ADAMTS12: variants seen among roughly 807,000 people sequenced by gnomAD.
The protein encoded by ADAMTS12 is ADAM metallopeptidase with thrombospondin type 1 motif 12.
A neutral mutation model predicts 167.8 loss-of-function variants in ADAMTS12; 118 were observed. That is an observed-to-expected ratio of 0.70 (90% CI 0.61 to 0.82). The LOEUF (loss-of-function observed/expected upper bound fraction) is 0.82, where lower values mean the gene tolerates loss of function less well. Ranked by LOEUF, ADAMTS12 falls within the 40% of genes least tolerant of loss-of-function variation. The pLI is 0.00. For synonymous variants in ADAMTS12, 704 were observed against 716.9 expected (o/e 0.98, Z 0.29); for missense variants, 1,916 against 1,998.8 (o/e 0.96, Z 0.79).
Position 33,651,570 on chromosome 5 carries a change from T to C in ADAMTS12, c.1191-1873A>G, listed in dbSNP as rs73758959. On this transcript the variant is annotated intron_variant, in intron 7 of 23. Transcript: ENST00000504830. ...TTTCGTTGATCTCGCCAATGTTTCT[T>C]AGTTTGATCCACAGCTAATTAGAAT... is the stretch of plus-strand genomic sequence containing the variant. 4.2e-3 allele frequency among the ~76,000 whole-genome samples: 645 copies of C among 152,350 alleles called. 5 individuals carry two copies. Among genetic ancestry groups the C allele is most frequent in the African/African-American group, 0.015 (614 of 41,582 alleles).
intron 3 of ADAMTS12, among the ~76,000 whole-genome samples, chr5:33,686,922 AAT>A (rs369832766): frequency 1.7e-4 from 23 of 138,292 alleles, no homozygotes; most frequent in African/African-American, 5.6e-4. Context: ...ATAGGCACTG[AAT>A]ATATATATAT....
At chr5:33,682,193 T>C (rs1343895471) in intron 5 of ADAMTS12, among the ~76,000 whole-genome samples, 3 of 152,144 alleles carry the variant, frequency 2.0e-5, no homozygotes, top group Non-Finnish European at 2.9e-5. Flanking sequence ...GTGGAAGATA[T>C]GAAAAAAGGA....
At chr5:33,723,858 C>T (rs934106671) in intron 3 of ADAMTS12, among the ~76,000 whole-genome samples, 1 of 152,200 alleles carries the variant, frequency 6.6e-6, no homozygotes, top group Non-Finnish European at 1.5e-5. Context: ...ACTCTATTGC[C>T]ATAGTACTTT....
chr5:33,817,415 C>T (rs1747703606), intron 2 of ADAMTS12, among the ~76,000 whole-genome samples: 1 of 152,092 alleles, frequency 6.6e-6, no homozygotes, highest in Non-Finnish European at 1.5e-5. Flanking sequence ...CTCTCTAAAC[C>T]CTGAATACTC....
intron 17 of ADAMTS12, among the ~76,000 whole-genome samples, chr5:33,592,600 C>T (rs763545747): frequency 5.3e-5 from 8 of 152,196 alleles, no homozygotes; most frequent in Non-Finnish European, 1.0e-4. Flanking sequence ...TCTCCTGGAA[C>T]ATGCTCTACA....
intron 4 of ADAMTS12, among the ~76,000 whole-genome samples, chr5:33,683,471 AAG>A (rs1319965832): frequency 2.6e-5 from 4 of 152,240 alleles, no homozygotes; most frequent in Admixed American, 1.3e-4. Context: ...GCTTGAAATT[AAG>A]AGTCATTAAC....
intron 2 of ADAMTS12, among the ~76,000 whole-genome samples, chr5:33,800,075 A>G (rs2112470741): frequency 6.6e-6 from 1 of 152,342 alleles, no homozygotes; most frequent in East Asian, 1.9e-4. Flanking sequence ...AGGGGATACC[A>G]ATATGACACT....
chr5:33,788,770 T>C (rs999865513), intron 2 of ADAMTS12, among the ~76,000 whole-genome samples: 7 of 152,212 alleles, frequency 4.6e-5, no homozygotes, highest in African/African-American at 1.7e-4. Flanking sequence ...ACTTTCCACC[T>C]GTAGACCACT....
At chr5:33,615,158 G>A (rs974280564) in intron 15 of ADAMTS12, among the ~76,000 whole-genome samples, 7 of 152,126 alleles carry the variant, frequency 4.6e-5, no homozygotes, top group African/African-American at 1.2e-4. Context: ...GTTAATCCTT[G>A]CCTGTGTCAG....
At chr5:33,592,828 G>A (rs1212384152) in intron 17 of ADAMTS12, among the ~76,000 whole-genome samples, 1 of 152,150 alleles carries the variant, frequency 6.6e-6, no homozygotes, top group East Asian at 1.9e-4. Context: ...TTTGGGAAAG[G>A]AAATGACAGC....
chr5:33,724,178 G>C (rs1296914466), intron 3 of ADAMTS12, among the ~76,000 whole-genome samples: 1 of 152,110 alleles, frequency 6.6e-6, no homozygotes, highest in African/African-American at 2.4e-5. Context: ...TTTTTAAACA[G>C]TTCTGGATTT....
At chr5:33,590,898 CTTTTTTTT>C (rs60630543) in intron 17 of ADAMTS12, among the ~76,000 whole-genome samples, 3 of 137,844 alleles carry the variant, frequency 2.2e-5, no homozygotes, top group Non-Finnish European at 3.1e-5. Flanking sequence ...CTTCTTCTTC[CTTTTTTTT>C]TTTTTTTTTT....
intron 17 of ADAMTS12, among the ~76,000 whole-genome samples, chr5:33,589,244 A>T (rs17568177): frequency 0.23 from 34,582 of 152,170 alleles, 4,028 homozygotes; most frequent in Non-Finnish European, 0.25. Context: ...AGCCTGACAT[A>T]TAACAAGAAC....
intron 5 of ADAMTS12, among the ~76,000 whole-genome samples, chr5:33,675,930 C>T (rs1490057643): frequency 6.6e-6 from 1 of 152,096 alleles, no homozygotes; most frequent in Non-Finnish European, 1.5e-5. Context: ...ACAATAAATG[C>T]GAGGGAACTT....
chr5:33,591,104 G>GTGTGTGTC (rs149905578), intron 17 of ADAMTS12, among the ~76,000 whole-genome samples: 24,830 of 148,722 alleles, frequency 0.17, 2,128 homozygotes, highest in East Asian at 0.26. Flanking sequence ...GTGTGTGTGT[G>GTGTGTGTC]TATGTGTGTG....
intron 3 of ADAMTS12, among the ~76,000 whole-genome samples, chr5:33,696,050 A>G (rs113444574): frequency 1.1e-5 from 1 of 90,428 alleles, no homozygotes; most frequent in Admixed American, 9.9e-5. Flanking sequence ...AGTCACTAAC[A>G]TGTGCTTATT....
intron 5 of ADAMTS12, among the ~76,000 whole-genome samples, chr5:33,682,569 T>A (rs1479301222): frequency 2.0e-5 from 3 of 152,230 alleles, no homozygotes; most frequent in Admixed American, 1.3e-4. Flanking sequence ...TGAGAATAGA[T>A]GAAATCCCCA....
At chr5:33,648,633 C>G (rs1740765112) in intron 9 of ADAMTS12, among the ~76,000 whole-genome samples, 189 bp downstream of exon 9, 1 of 152,162 alleles carries the variant, frequency 6.6e-6, no homozygotes, top group South Asian at 2.1e-4. Flanking sequence ...TCGTAGAATA[C>G]CAAGGTGGCA....
At chr5:33,839,471 C>CA (rs2111588639) in intron 2 of ADAMTS12, among the ~76,000 whole-genome samples, 1 of 152,278 alleles carries the variant, frequency 6.6e-6, no homozygotes, top group East Asian at 1.9e-4. Context: ...ATTACTAAGT[C>CA]ACACTGAGGC....
Sources: allele counts gnomAD v4.1 joint callset (sites outside exome capture counted in the v4.1 genomes callset), GRCh38; gene constraint gnomAD v4.1.1; transcripts MANE v1.5; gene names NCBI Gene and HGNC (gene_info 2026-07-23, HGNC 2026-07-21).